Variants in ZNRF1 observed in about 807,000 individuals in gnomAD.
ZNRF1 encodes zinc and ring finger 1.
Under a neutral mutation model 18.4 loss-of-function variants are expected in ZNRF1, and 3 were observed. The observed-to-expected ratio is 0.16, with a 90% CI of 0.07 to 0.42. The LOEUF (loss-of-function observed/expected upper bound fraction) is 0.42, where lower values mean the gene tolerates loss of function less well. Ranked by LOEUF, ZNRF1 falls within the 10% of genes least tolerant of loss-of-function variation. The pLI, the probability that ZNRF1 is intolerant of heterozygous loss-of-function variation, is 0.99. For synonymous variants in ZNRF1, 157 were observed against 144.2 expected, an observed-to-expected ratio of 1.09 and a Z score of -0.64; for missense variants, 310 against 329.8, an observed-to-expected ratio of 0.94 and a Z score of 0.47.
At chr16:75,078,644 C>G (rs1447238068) in intron 1 of ZNRF1, among the ~76,000 whole-genome samples, 1 of 152,058 alleles carries the variant, frequency 6.6e-6, no homozygotes, top group African/African-American at 2.4e-5. Flanking sequence ...GTTTCTGATG[C>G]CAATATTCTG....
chr16:75,043,287 A>G, intron 1 of ZNRF1, among the ~76,000 whole-genome samples: 1 of 152,184 alleles, frequency 6.6e-6, no homozygotes, highest in East Asian at 1.9e-4. Flanking sequence ...CTAAGCCTGT[A>G]ACACATTATC....
intron 1 of ZNRF1, among the ~76,000 whole-genome samples, chr16:75,045,613 A>G (rs1472125664): frequency 2.6e-5 from 4 of 152,036 alleles, no homozygotes; most frequent in African/African-American, 9.7e-5. Context: ...TGTGTTGCCC[A>G]GGCTGGCCTC....
chr16:75,034,399 T>C (rs1298887846), intron 1 of ZNRF1, among the ~76,000 whole-genome samples: 1 of 152,200 alleles, frequency 6.6e-6, no homozygotes, highest in African/African-American at 2.4e-5. Flanking sequence ...ATTTGTCTTT[T>C]TGTGACTGGC....
intron 1 of ZNRF1, among the ~76,000 whole-genome samples, chr16:75,020,605 G>A (rs1327941615): frequency 1.3e-5 from 2 of 151,394 alleles, no homozygotes; most frequent in East Asian, 1.9e-4. Flanking sequence ...TCAGTGGCGC[G>A]ATCTTGGCTC....
rs1221976494 is a variant in ZNRF1, at chr16:75,109,659, T to C, written c.*1959T>C. 1 of 152,428 alleles carries C rather than the reference T, an allele frequency of 6.6e-6. No individual in the cohort carries two copies. Among genetic ancestry groups the C allele is most frequent in the East Asian group, 1.9e-4 (1 of 5,194 alleles). 9.4% of individuals were successfully genotyped at this position (152,428 alleles called of 1,614,324 possible). A position where few individuals can be genotyped will look rare whatever the true frequency, so the allele number is the denominator to read the frequency against. ...GGTGGCAGGAACGTGGGCTCTAGACTGTGCATTCAGGCTCTCCTACTTGGC... is the reference window on the plus strand; with the variant it reads ...GGTGGCAGGAACGTGGGCTCTAGACCGTGCATTCAGGCTCTCCTACTTGGC... On this transcript the variant is annotated 3_prime_UTR_variant, in exon 5 of 5. Transcript: ENST00000335325.
chr16:75,005,788 T>G (rs2145316630), intron 1 of ZNRF1, among the ~76,000 whole-genome samples: 1 of 149,684 alleles, frequency 6.7e-6, no homozygotes, highest in Middle Eastern at 3.5e-3. Context: ...GTGAATGTGT[T>G]CTCTCTCTCT....
intron 1 of ZNRF1, among the ~76,000 whole-genome samples, chr16:75,019,765 C>T (rs943076334): frequency 6.6e-6 from 1 of 152,080 alleles, no homozygotes; most frequent in Non-Finnish European, 1.5e-5. Flanking sequence ...TGCTTTGTTG[C>T]CCAGGCTGGA....
At chr16:75,008,587 T>C (rs2034954356) in intron 1 of ZNRF1, among the ~76,000 whole-genome samples, 1 of 152,206 alleles carries the variant, frequency 6.6e-6, no homozygotes, top group Non-Finnish European at 1.5e-5. Context: ...TATAAGACTT[T>C]TTTTTCTTTG....
intron 1 of ZNRF1, among the ~76,000 whole-genome samples, chr16:75,009,131 G>T (rs897400921): frequency 6.6e-6 from 1 of 152,056 alleles, no homozygotes; most frequent in Non-Finnish European, 1.5e-5. Flanking sequence ...TTTTAAATCT[G>T]TCTCTGTAAA....
At position 75,029,612 on chromosome 16, in the gene ZNRF1, T is replaced by C. The variant is rs532171383; in HGVS notation, c.424+29517T>C. 1.4e-3 allele frequency among the ~76,000 whole-genome samples: 178 copies of C among 124,658 alleles called. 5 individuals are homozygous for C. In the South Asian group the frequency reaches 0.022, roughly 16 times the overall value. The allele number at this position is 124,658 out of a possible 152,430, so 81.8% of individuals were successfully genotyped here. A position where few individuals can be genotyped will look rare whatever the true frequency, so the allele number is the denominator to read the frequency against. ...TGAAAACCCATCTCTACAAAAAAAA[T>C]ACAAAAATTAGTCATGCATGGTAGC... is the stretch of plus-strand genomic sequence containing the variant. On this transcript the variant is annotated intron_variant, in intron 1 of 4. Transcript: ENST00000335325.
At chr16:75,101,614 C>A (rs779407574) in intron 2 of ZNRF1, among the ~76,000 whole-genome samples, 1 of 152,096 alleles carries the variant, frequency 6.6e-6, no homozygotes, top group Non-Finnish European at 1.5e-5. Context: ...GTGTACTAGA[C>A]CCGTTTATCC....
At chr16:75,098,865 TC>T (rs2036227091) in intron 2 of ZNRF1, among the ~76,000 whole-genome samples, 1 of 152,018 alleles carries the variant, frequency 6.6e-6, no homozygotes, top group African/African-American at 2.4e-5. Context: ...TGTGTGAGCC[TC>T]CCCACCCCTC....
intron 1 of ZNRF1, among the ~76,000 whole-genome samples, chr16:75,052,380 G>A (rs1273678740): frequency 6.7e-6 from 1 of 149,808 alleles, no homozygotes; most frequent in African/African-American, 2.5e-5. Flanking sequence ...CAGCCTGAGT[G>A]ACAGAGCCAG....
At chr16:75,089,546 C>A (rs1428762702) in intron 1 of ZNRF1, among the ~76,000 whole-genome samples, 1 of 152,172 alleles carries the variant, frequency 6.6e-6, no homozygotes, top group Non-Finnish European at 1.5e-5. Flanking sequence ...GGTAATATTT[C>A]CCAACATGCC....
Position 75,040,042 on chromosome 16 carries a change from C to CT in ZNRF1, c.424+39973dup, listed in dbSNP as rs57122648. 3.9e-3 allele frequency among the ~76,000 whole-genome samples: 306 copies of CT among 78,838 alleles called. 12 individuals carry two copies. Among genetic ancestry groups the CT allele is most frequent in the African/African-American group, 0.013 (229 of 18,124 alleles). 51.7% of individuals were successfully genotyped at this position (78,838 alleles called of 152,430 possible). A position where few individuals can be genotyped will look rare whatever the true frequency, so the allele number is the denominator to read the frequency against. ...AATCTTTTGTTTCTTTCTTTTCTTT[C>CT]TTTTTTTTTTTTTTTTTTTTTTTTT... On this transcript the variant is annotated intron_variant, in intron 1 of 4. Coordinates refer to ENST00000335325, the MANE Select transcript of ZNRF1 (RefSeq NM_032268.5).
At chr16:75,019,094 A>G (rs1274142057) in intron 1 of ZNRF1, among the ~76,000 whole-genome samples, 2 of 152,166 alleles carry the variant, frequency 1.3e-5, no homozygotes, top group African/African-American at 4.8e-5. Context: ...TGAACCCAGG[A>G]GGCGGAGGTT....
chr16:75,087,950 A>G (rs1158658875), intron 1 of ZNRF1, among the ~76,000 whole-genome samples: 28 of 152,162 alleles, frequency 1.8e-4, no homozygotes, highest in Admixed American at 1.8e-3. Flanking sequence ...AGGCTTAGGG[A>G]GTGTCCTGTA....
chr16:75,067,662 C>A (rs1217602740), intron 1 of ZNRF1, among the ~76,000 whole-genome samples: 1 of 152,032 alleles, frequency 6.6e-6, no homozygotes, highest in Non-Finnish European at 1.5e-5. Flanking sequence ...CATATACATA[C>A]GGGAATTTAA....
chr16:75,098,124 C>T (rs1049471426), intron 2 of ZNRF1, among the ~76,000 whole-genome samples: 1 of 152,190 alleles, frequency 6.6e-6, no homozygotes, highest in African/African-American at 2.4e-5. Context: ...GTTACTCCTC[C>T]TACAGGAGGG....
Sources: allele counts gnomAD v4.1 joint callset (sites outside exome capture counted in the v4.1 genomes callset), GRCh38; gene constraint gnomAD v4.1.1; transcripts MANE v1.5; gene names NCBI Gene and HGNC (gene_info 2026-07-23, HGNC 2026-07-21).